SFXN1: variants seen among roughly 807,000 people sequenced by gnomAD.
SFXN1 encodes the protein sideroflexin 1, also known as sideroflexin-1.
SFXN1 carries 32 observed loss-of-function variants against 39.5 expected under a neutral mutation model. The observed-to-expected ratio is 0.81, with a 90% CI of 0.61 to 1.09. SFXN1 has a LOEUF of 1.09. SFXN1 is among the 50% of genes least tolerant of loss of function. The pLI is 0.00. For missense variants in SFXN1, 402 were observed against 407.1 expected, an observed-to-expected ratio of 0.99 and a Z score of 0.11; for synonymous variants, 136 against 146.5, an observed-to-expected ratio of 0.93 and a Z score of 0.52.
At chr5:175,509,237 C>T in intron 3 of SFXN1, 35 bp downstream of exon 3, 2 of 1,540,232 alleles carry the variant, frequency 1.3e-6, no homozygotes, top group Non-Finnish European at 1.7e-6. Context: ...GTGTGTTTAC[C>T]ATTACAGAAG....
At chr5:175,488,237 T>C (rs927047619) in intron 1 of SFXN1, among the ~76,000 whole-genome samples, 2 of 151,778 alleles carry the variant, frequency 1.3e-5, no homozygotes, top group African/African-American at 4.8e-5. Context: ...TCATCTCCCA[T>C]CTCCCACTTC....
At chr5:175,482,144 G>A (rs963675397) in intron 1 of SFXN1, among the ~76,000 whole-genome samples, 1 of 152,220 alleles carries the variant, frequency 6.6e-6, no homozygotes, top group African/African-American at 2.4e-5. Context: ...AAAGCCTAGT[G>A]TCTGGGTGTT....
chr5:175,493,675 C>T (rs141912243), intron 2 of SFXN1, among the ~76,000 whole-genome samples: 11 of 152,260 alleles, frequency 7.2e-5, no homozygotes, highest in South Asian at 2.1e-4. Flanking sequence ...TTGCCAAGAA[C>T]GTACAAATGT....
Position 175,513,556 on chromosome 5 carries a change from C to G in SFXN1, c.690C>G (p.Val230=), listed in dbSNP as rs1459788670. ...NAAKQAITQV[V]VSRILMAAPG... ...CGAAACAAGCCATCACGCAAGTTGT[C>G]GTGTCCAGGATTCTCATGGCAGCCC... Residue 230 remains valine, a synonymous_variant, in exon 7 of 11, where the codon GTC becomes GTG. Coordinates refer to ENST00000321442, the MANE Select transcript of SFXN1 (RefSeq NM_022754.7). The G allele has an allele frequency of 6.2e-7, 1 of 1,613,802 alleles. No homozygotes were observed. The highest frequency in any genetic ancestry group is 1.7e-5 in the Admixed American group (1 of 59,998).
At chr5:175,494,862 AT>A (rs1358095760) in intron 2 of SFXN1, among the ~76,000 whole-genome samples, 89 of 152,350 alleles carry the variant, frequency 5.8e-4, no homozygotes, top group African/African-American at 2.0e-3. Context: ...GTTAAAAAAA[AT>A]AAGCCATAAT....
chr5:175,491,374 C>G (rs1248249017), intron 1 of SFXN1: 1 of 151,956 alleles, frequency 6.6e-6, no homozygotes, highest in African/African-American at 2.4e-5. Flanking sequence ...GTCATTTCTC[C>G]TAGTAGGAAT....
chr5:175,511,590 T>C, intron 5 of SFXN1, 64 bp downstream of exon 5: 1 of 1,293,594 alleles, frequency 7.7e-7, no homozygotes, highest in Non-Finnish European at 1.1e-6. Context: ...TGGCTCTAAA[T>C]CCCTCTATTA....
At chr5:175,494,366 T>G (rs1359564646) in intron 2 of SFXN1, among the ~76,000 whole-genome samples, 4 of 152,238 alleles carry the variant, frequency 2.6e-5, no homozygotes, top group African/African-American at 9.6e-5. Flanking sequence ...CTGAAGATAG[T>G]AAGCGATGTG....
chr5:175,508,319 G>C (rs141960157), intron 2 of SFXN1, among the ~76,000 whole-genome samples: 1 of 145,134 alleles, frequency 6.9e-6, no homozygotes, highest in African/African-American at 2.6e-5. Context: ...TCAACCTCCC[G>C]GGCTCAAGTG....
intron 1 of SFXN1, among the ~76,000 whole-genome samples, chr5:175,484,425 C>T (rs1759372574): frequency 1.3e-5 from 2 of 152,344 alleles, no homozygotes; most frequent in Non-Finnish European, 2.9e-5. Context: ...GCCCTCCTGA[C>T]CCGTCAGTAC....
intron 7 of SFXN1, among the ~76,000 whole-genome samples, chr5:175,515,063 G>A (rs1367791181): frequency 6.6e-6 from 1 of 152,108 alleles, no homozygotes; most frequent in Admixed American, 6.5e-5. Context: ...CCCTCAGGCT[G>A]GAGTGCAGTT....
chr5:175,521,447 A>G (rs925900762), intron 8 of SFXN1, among the ~76,000 whole-genome samples: 3 of 152,292 alleles, frequency 2.0e-5, no homozygotes, highest in Admixed American at 1.3e-4. Flanking sequence ...CTTCATCCAC[A>G]CACTTTTAGG....
chr5:175,501,394 A>T (rs1434654851), intron 2 of SFXN1, among the ~76,000 whole-genome samples: 1 of 152,150 alleles, frequency 6.6e-6, no homozygotes, highest in South Asian at 2.1e-4. Context: ...CTTAGATAAG[A>T]TATAAGAATG....
At position 175,484,665 on chromosome 5, in the gene SFXN1, C is replaced by T. The variant is rs1018700937; in HGVS notation, c.-10+6026C>T. ...AATGGAGCCAGCACAGGGCGCGTCT[C>T]GGCGCATCCTCCTCAGCCCAGGCCC... On this transcript the variant is annotated intron_variant, in intron 1 of 10. Coordinates refer to ENST00000321442, the MANE Select transcript of SFXN1 (RefSeq NM_022754.7). Among the ~76,000 whole-genome samples the T allele has an allele frequency of 7.2e-5, 11 of 152,256 alleles. No homozygotes were observed. The South Asian group carries it at 1.4e-3, about 20-fold the overall frequency.
At chr5:175,511,179 A>G (rs895273877) in intron 4 of SFXN1, among the ~76,000 whole-genome samples, 6 of 152,092 alleles carry the variant, frequency 3.9e-5, no homozygotes, top group South Asian at 4.1e-4. Flanking sequence ...CTGTATGTTT[A>G]TTTATTTATT....
intron 2 of SFXN1, among the ~76,000 whole-genome samples, chr5:175,496,004 G>T (rs1355860887): frequency 6.7e-6 from 1 of 148,326 alleles, no homozygotes; most frequent in Non-Finnish European, 1.5e-5. Context: ...AGGTTCAAGC[G>T]ATTCTTCTGC....
intron 8 of SFXN1, among the ~76,000 whole-genome samples, chr5:175,518,306 GT>G (rs1760776720): frequency 1.3e-5 from 2 of 152,232 alleles, no homozygotes; most frequent in African/African-American, 4.8e-5. Flanking sequence ...TTTTATAAAA[GT>G]AGACTGCTGT....
At chr5:175,513,677 A>T in intron 7 of SFXN1, 87 bp downstream of exon 7, 1 of 1,406,916 alleles carries the variant, frequency 7.1e-7, no homozygotes, top group Non-Finnish European at 9.9e-7. Context: ...CACATATATC[A>T]CACCTCTTAG....
intron 10 of SFXN1, chr5:175,522,838 C>T (rs1372977187): frequency 6.3e-6 from 1 of 158,026 alleles, no homozygotes; most frequent in African/African-American, 2.4e-5. Flanking sequence ...TTTCTTCCCA[C>T]TTAGTTTTTT....
Sources: gnomAD v4.1 joint callset for allele counts (sites outside exome capture counted in the v4.1 genomes callset) on GRCh38, gnomAD v4.1.1 for gene constraint, MANE v1.5 for transcripts, NCBI Gene and HGNC (gene_info 2026-07-23, HGNC 2026-07-21) for gene names.